Variants in SYTL3 observed in about 807,000 individuals in gnomAD.
SYTL3 encodes synaptotagmin like 3.
In SYTL3, 88 loss-of-function variants were observed where a neutral mutation model predicts 82.1. The observed-to-expected ratio is 1.07, with a 90% confidence interval of 0.90 to 1.28. The LOEUF is 1.28. SYTL3 is among the 50% of genes most tolerant of loss of function. The pLI is 0.00. For synonymous variants in SYTL3, 311 were observed against 289.4 expected, an observed-to-expected ratio of 1.07 and a Z score of -0.76; for missense variants, 831 against 757.6, an observed-to-expected ratio of 1.10 and a Z score of -1.14.
chr6:158,648,362 C>T (rs960716558), upstream of SYTL3, among the ~76,000 whole-genome samples: 5 of 151,936 alleles, frequency 3.3e-5, no homozygotes, highest in African/African-American at 4.8e-5. Flanking sequence ...GAGGCCGAGG[C>T]GGGCGGATCA....
intron 11 of SYTL3, among the ~76,000 whole-genome samples, chr6:158,733,966 C>T (rs545996474): frequency 3.3e-5 from 5 of 151,680 alleles, no homozygotes; most frequent in East Asian, 2.0e-4. Context: ...GGCGTGATGG[C>T]GGGCGCCTGT....
intron 11 of SYTL3, among the ~76,000 whole-genome samples, chr6:158,741,747 AC>A (rs1255994143): frequency 6.6e-6 from 1 of 152,080 alleles, no homozygotes; most frequent in Non-Finnish European, 1.5e-5. Flanking sequence ...AGAGAAGACA[AC>A]CCTTCAAAAT....
At chr6:158,757,035 C>T (rs144284418) in intron 13 of SYTL3, among the ~76,000 whole-genome samples, 176 bp from the exon 14 acceptor site, 4,240 of 137,758 alleles carry the variant, frequency 0.031, 94 homozygotes, top group South Asian at 0.065. Context: ...AGCACCTTGA[C>T]CCACCCTAAC....
chr6:158,655,598 G>A (rs1483570335), intron 2 of SYTL3, among the ~76,000 whole-genome samples: 1 of 152,222 alleles, frequency 6.6e-6, no homozygotes, highest in South Asian at 2.1e-4. Context: ...CCCTTGAAGG[G>A]CTAATAGTAA....
chr6:158,663,207 C>CT lies in SYTL3; in HGVS notation c.-62_-61insT. ...TGGCCTCCGCCGCTCATCTGCAGGG[C>CT]GTGAGCGCTTGGTCCATGCAGTGAA... On this transcript the variant is annotated 5_prime_UTR_variant, in exon 4 of 18. Transcript: ENST00000611299. 2.0e-6 allele frequency: 3 copies of CT among 1,469,348 alleles called. No homozygotes were observed. The highest frequency in any genetic ancestry group is 1.4e-5 in the African/African-American group (1 of 72,172). The allele number at this position is 1,469,348 out of a possible 1,614,324, so 91.0% of individuals were successfully genotyped here.
chr6:158,749,415 GA>G (rs1483626423), intron 12 of SYTL3, among the ~76,000 whole-genome samples: 7 of 97,550 alleles, frequency 7.2e-5, no homozygotes, highest in East Asian at 5.5e-4. Context: ...AAAAAAGAAA[GA>G]AAAAAATATA....
chr6:158,750,111 A>C (rs1788208511), intron 12 of SYTL3, among the ~76,000 whole-genome samples: 1 of 152,206 alleles, frequency 6.6e-6, no homozygotes, highest in Non-Finnish European at 1.5e-5. Flanking sequence ...TGAATCCCAA[A>C]CATAATATTG....
intron 6 of SYTL3, among the ~76,000 whole-genome samples, chr6:158,683,533 CT>C (rs1778970025): frequency 6.6e-6 from 1 of 152,164 alleles, no homozygotes; most frequent in African/African-American, 2.4e-5. Context: ...TGGCCCCATT[CT>C]TTAAGGCTCG....
rs562400362 is a variant in SYTL3, at chr6:158,751,473, A to G, written c.1035-455A>G. ...ATCCCACTTCTCAGCGGTTGGGAGG[A>G]GCAGAGTCTTTGAGGCCCCTGCAAG... On this transcript the variant is annotated intron_variant, in intron 12 of 17. Coordinates refer to ENST00000611299, the MANE Select transcript of SYTL3 (RefSeq NM_001242394.2). Among the ~76,000 whole-genome samples the G allele has an allele frequency of 7.9e-5, 12 of 152,258 alleles. No homozygotes were observed. The South Asian group carries it at 2.3e-3, about 29-fold the overall frequency.
chr6:158,690,338 T>G (rs1383937951), intron 6 of SYTL3, among the ~76,000 whole-genome samples: 3 of 152,244 alleles, frequency 2.0e-5, no homozygotes, highest in Admixed American at 1.3e-4. Flanking sequence ...GTAGGCACCT[T>G]ACAAATGTAG....
chr6:158,712,414 C>T lies in SYTL3; in HGVS notation c.517-1386C>T, dbSNP rs561406499. On this transcript the variant is annotated intron_variant, in intron 8 of 17. Coordinates refer to ENST00000611299, the MANE Select transcript of SYTL3 (RefSeq NM_001242394.2). Reference sequence around the variant, plus strand: ...CTGAAGCCAATCAAGTGGATGCCTACAATTAAGGTGTCATTAATTAAGTCC... The same window carrying T: ...CTGAAGCCAATCAAGTGGATGCCTATAATTAAGGTGTCATTAATTAAGTCC... Among the ~76,000 whole-genome samples the T allele has an allele frequency of 1.2e-4, 18 of 152,324 alleles. No individual in the cohort carries two copies. The South Asian group carries it at 3.1e-3, about 26-fold the overall frequency.
In SYTL3 at chr6:158,663,361, AGAG is replaced by A. The variant is rs1325200570; in HGVS notation, c.100_102del (p.Glu34del). 3 of 1,613,608 alleles carry A rather than the reference AGAG, an allele frequency of 1.9e-6. No homozygotes were observed. Among genetic ancestry groups the A allele is most frequent in the Non-Finnish European group, 1.7e-6 (2 of 1,179,986 alleles). ...ACCGAGACCAGGCGGTTCAAAACAC[AGAG>A]GAGGAGAGGACACGGTAGGCTGCCC... On this transcript the variant is annotated inframe_deletion, in exon 4 of 18. Coordinates refer to ENST00000611299, the MANE Select transcript of SYTL3 (RefSeq NM_001242394.2).
chr6:158,760,065 C>T (rs1789700490), intron 14 of SYTL3, among the ~76,000 whole-genome samples: 1 of 152,062 alleles, frequency 6.6e-6, no homozygotes, highest in African/African-American at 2.4e-5. Flanking sequence ...GGATTTCAGG[C>T]TCATCTCTTT....
rs1265001047 is a variant in SYTL3 at position 158,680,586 on chromosome 6, A to AAAAC, written c.330-2336_330-2335insCAAA. Among the ~76,000 whole-genome samples the AAAAC allele has an allele frequency of 1.3e-4, 19 of 151,362 alleles. 1 individual carries two copies. The highest frequency in any genetic ancestry group is 2.0e-4 in the Admixed American group (3 of 15,220). ...AAACCCCGTCTCTACAAAAAAAAAA[A>AAAAC]AAAAAAAACACAAAAATCAGCCAGG... On this transcript the variant is annotated intron_variant, in intron 5 of 17. Transcript: ENST00000611299.
At chr6:158,705,500 C>A (rs144884339) in intron 6 of SYTL3, among the ~76,000 whole-genome samples, 1 of 115,604 alleles carries the variant, frequency 8.7e-6, no homozygotes, top group African/African-American at 3.2e-5. Flanking sequence ...GGCTATAAGG[C>A]CACGTAGGAC....
chr6:158,647,480 AT>A (rs1787554508), upstream of SYTL3, among the ~76,000 whole-genome samples: 1 of 152,104 alleles, frequency 6.6e-6, no homozygotes, highest in Non-Finnish European at 1.5e-5. Context: ...CCTTTATGGA[AT>A]TTTTTCTTTT....
intron 12 of SYTL3, among the ~76,000 whole-genome samples, chr6:158,748,117 A>G (rs1787903501): frequency 6.6e-6 from 1 of 150,392 alleles, no homozygotes; most frequent in Non-Finnish European, 1.5e-5. Context: ...TCACATTACA[A>G]GCGGAATTGA....
At chr6:158,748,867 A>T (rs1423108525) in intron 12 of SYTL3, among the ~76,000 whole-genome samples, 1 of 150,968 alleles carries the variant, frequency 6.6e-6, no homozygotes, top group Non-Finnish European at 1.5e-5. Context: ...AATAGAGAAT[A>T]CTCAAATACC....
At chr6:158,729,616 G>C (rs1390023991) in intron 11 of SYTL3, among the ~76,000 whole-genome samples, 1 of 148,778 alleles carries the variant, frequency 6.7e-6, no homozygotes, top group African/African-American at 2.5e-5. Context: ...ACGTAGGCTG[G>C]AGTTTAGTGG....
Sources: gnomAD v4.1 joint callset for allele counts (sites outside exome capture counted in the v4.1 genomes callset) on GRCh38, gnomAD v4.1.1 for gene constraint, MANE v1.5 for transcripts, NCBI Gene and HGNC (gene_info 2026-07-23, HGNC 2026-07-21) for gene names.